The following HMCN2 variants were observed in gnomAD, a reference collection of about 807,000 sequenced individuals.
HMCN2 encodes the protein hemicentin-2.
A neutral mutation model predicts 377.5 loss-of-function variants in HMCN2; 325 were observed. The ratio of observed to expected loss-of-function variants is 0.86; its 90% confidence interval spans 0.79 to 0.94. The LOEUF (loss-of-function observed/expected upper bound fraction) is 0.94. HMCN2 is among the 40% of genes least tolerant of loss of function. The pLI is 0.00. For synonymous variants in HMCN2, 2,007 were observed against 2,046.8 expected (o/e 0.98, Z 0.53); for missense variants, 4,543 against 4,725.3 (o/e 0.96, Z 1.13).
At chr9:130,370,846 T>G (rs992545977) in intron 45 of HMCN2, 118 bp from the exon 46 acceptor site, 2 of 547,806 alleles carry the variant, frequency 3.7e-6, no homozygotes, top group African/African-American at 4.1e-5. Flanking sequence ...TCGTCACTTC[T>G]GCTCCTCAGA....
At chr9:130,412,987 C>T (rs1324597678) in intron 85 of HMCN2, among the ~76,000 whole-genome samples, 1 of 152,104 alleles carries the variant, frequency 6.6e-6, no homozygotes, top group Non-Finnish European at 1.5e-5. Flanking sequence ...TACGGATAGC[C>T]AATTGTTCCA....
At chr9:130,371,495 C>T (rs559768591) in intron 46 of HMCN2, among the ~76,000 whole-genome samples, 57 of 152,040 alleles carry the variant, frequency 3.7e-4, no homozygotes, top group African/African-American at 1.4e-3. Context: ...GATCTAAGCA[C>T]CTTCTCCTCT....
intron 85 of HMCN2, among the ~76,000 whole-genome samples, chr9:130,416,414 A>G (rs1418400264): frequency 2.0e-5 from 3 of 152,090 alleles, no homozygotes; most frequent in Non-Finnish European, 4.4e-5. Flanking sequence ...CTCGACCTTC[A>G]TTTAAGTGGA....
intron 4 of HMCN2, among the ~76,000 whole-genome samples, chr9:130,288,388 G>A (rs1472359130): frequency 6.6e-6 from 1 of 152,210 alleles, no homozygotes; most frequent in African/African-American, 2.4e-5. Flanking sequence ...TCCTTCCTGG[G>A]CATGGAGCTC....
intron 22 of HMCN2, among the ~76,000 whole-genome samples, chr9:130,333,565 C>T (rs2100072491): frequency 6.6e-6 from 1 of 152,208 alleles, no homozygotes; most frequent in Non-Finnish European, 1.5e-5. Context: ...CTGCGTGGAG[C>T]CATCTGGCCG....
At chr9:130,363,066 C>T (rs930152735) in intron 40 of HMCN2, 76 bp downstream of exon 40, 2 of 979,672 alleles carry the variant, frequency 2.0e-6, no homozygotes, top group East Asian at 2.3e-4. Flanking sequence ...CCAGTCACTT[C>T]CAAAAGGAGA....
At chr9:130,362,291 G>A (rs1840428452) in intron 39 of HMCN2, 126 bp downstream of exon 39, 6 of 561,888 alleles carry the variant, frequency 1.1e-5, no homozygotes, top group Non-Finnish European at 1.4e-5. Context: ...GAGGGCTAGA[G>A]GGAGGTGGGA....
Position 130,405,984 on chromosome 9 carries a change from C to G in HMCN2, c.12369C>G (p.Thr4123=). 7.8e-7 allele frequency: 1 copy of G among 1,289,548 alleles called. No homozygotes were observed. The highest frequency in any genetic ancestry group is 1.0e-6 in the Non-Finnish European group (1 of 988,768). The allele number at this position is 1,289,548 out of a possible 1,614,324, so 79.9% of individuals were successfully genotyped here. A position where few individuals can be genotyped will look rare whatever the true frequency, so the allele number is the denominator to read the frequency against. ...AGGACGCAGGCACCTATACCTGTAC[C>G]GCTGAGAACGCCGTGGGCCGGGCCC... ...EGQDAGTYTC[T]AENAVGRARR... The change falls in exon 82 of 98, where the codon ACC becomes ACG. Residue 4123 remains threonine (T), a synonymous_variant. Transcript: ENST00000683500.
intron 85 of HMCN2, among the ~76,000 whole-genome samples, chr9:130,413,429 T>C (rs185501538): frequency 2.0e-5 from 3 of 152,324 alleles, no homozygotes; most frequent in Admixed American, 2.0e-4. Context: ...TCCCCTTTTG[T>C]ACCTAGTGTG....
At chr9:130,327,989 G>A (rs903013645) in intron 22 of HMCN2, among the ~76,000 whole-genome samples, 4 of 152,176 alleles carry the variant, frequency 2.6e-5, no homozygotes, top group East Asian at 1.9e-4. Context: ...TCAAAGCCAC[G>A]CCGTACCCCC....
At position 130,348,570 on chromosome 9, in the gene HMCN2, G is replaced by A. The variant is rs544401149; in HGVS notation, c.4050G>A (p.Gly1350=). Residue 1350 remains glycine, a synonymous_variant, in exon 27 of 98, where the codon GGG becomes GGA. Transcript: ENST00000683500. ...VYVPPSIRED[G]RKANVSGMAG... is the part of the protein sequence containing the mutation. ...TGCCCCCCAGCATCCGGGAGGACGG[G>A]CGCAAGGCCAACGTGTCGGGTATGG... 1.5e-6 allele frequency: 2 copies of A among 1,304,234 alleles called. No homozygotes were observed. Among genetic ancestry groups the A allele is most frequent in the African/African-American group, 1.5e-5 (1 of 66,016 alleles). The allele number at this position is 1,304,234 out of a possible 1,614,324, so 80.8% of individuals were successfully genotyped here. A position where few individuals can be genotyped will look rare whatever the true frequency, so the allele number is the denominator to read the frequency against.
Position 130,334,718 on chromosome 9 carries a change from T to TC in HMCN2, c.3360-3175dup, listed in dbSNP as rs1838627580. Among the ~76,000 whole-genome samples, 3 of 124,834 alleles carry TC rather than the reference T, an allele frequency of 2.4e-5. No homozygotes were observed. In the Admixed American group the frequency reaches 2.5e-4, roughly 10 times the overall value. The allele number at this position is 124,834 out of a possible 152,430, so 81.9% of individuals were successfully genotyped here. On this transcript the variant is annotated intron_variant, in intron 22 of 97. Transcript: ENST00000683500. ...CTTTCTTTCTTTCTTTCTCTCTCTC[T>TC]CTCTTCTCTCTTTCTCTCTCTTTCT...
At chr9:130,278,273 C>T (rs1159217762) in intron 1 of HMCN2, among the ~76,000 whole-genome samples, 4 of 151,964 alleles carry the variant, frequency 2.6e-5, no homozygotes, top group Admixed American at 1.3e-4. Flanking sequence ...TACAGGCGCC[C>T]ACCACCACGC....
In HMCN2 at chr9:130,303,415, G is replaced by A; in HGVS notation, c.1422-72G>A. On this transcript the variant is annotated intron_variant, in intron 9 of 97. Coordinates refer to ENST00000683500, the MANE Select transcript of HMCN2 (RefSeq NM_001291815.2). The surrounding 1 kb of genome is among the most constrained non-coding windows in gnomAD (Gnocchi z 5.2). ...GTCTCTCGTTTGGGCAGGATTCAGG[G>A]GACTGAAGTCGGGGGGGACCCTGAG... 2 of 365,952 alleles carry A rather than the reference G, an allele frequency of 5.5e-6. No homozygotes were observed. Among genetic ancestry groups the A allele is most frequent in the East Asian group, 9.4e-5 (1 of 10,646 alleles). 22.7% of individuals were successfully genotyped at this position (365,952 alleles called of 1,614,324 possible). A position where few individuals can be genotyped will look rare whatever the true frequency, so the allele number is the denominator to read the frequency against.
rs534107643 is a variant in HMCN2 at position 130,296,916 on chromosome 9, C to T, written c.1012+122C>T. The T allele has an allele frequency of 6.5e-4, 254 of 389,028 alleles. 7 individuals are homozygous for T. The highest frequency in any genetic ancestry group is 4.7e-3 in the South Asian group (252 of 53,106). 24.1% of individuals were successfully genotyped at this position (389,028 alleles called of 1,614,324 possible). ...GCTGTGTGTGACTGTGAAAGGGACC[C>T]TGCAGGAGGCCAAGTGGGACTGTGC... On this transcript the variant is annotated intron_variant, in intron 7 of 97. Transcript: ENST00000683500.
At chr9:130,352,215 T>G (rs1389565266) in intron 30 of HMCN2, among the ~76,000 whole-genome samples, 1 of 152,260 alleles carries the variant, frequency 6.6e-6, no homozygotes, top group Non-Finnish European at 1.5e-5. Flanking sequence ...TCCCTTATTC[T>G]TATAAAGGAT....
At chr9:130,366,980 G>A (rs1564821770) in intron 43 of HMCN2, among the ~76,000 whole-genome samples, 1 of 152,272 alleles carries the variant, frequency 6.6e-6, no homozygotes, top group East Asian at 1.9e-4. Context: ...TTTAAGTTGG[G>A]TGGCCAGGAA....
At chr9:130,272,760 A>G (rs1156372713) in intron 1 of HMCN2, among the ~76,000 whole-genome samples, 2 of 150,700 alleles carry the variant, frequency 1.3e-5, no homozygotes, top group African/African-American at 4.9e-5. Flanking sequence ...GTCTTGCCAT[A>G]TTGCCCAGGT....
intron 7 of HMCN2, among the ~76,000 whole-genome samples, chr9:130,298,723 TG>T (rs1469437120): frequency 6.6e-6 from 1 of 152,086 alleles, no homozygotes; most frequent in Non-Finnish European, 1.5e-5. Flanking sequence ...CCAGAGTTAA[TG>T]GGGTGGGGGA....
Sources: allele counts gnomAD v4.1 joint callset (sites outside exome capture counted in the v4.1 genomes callset), GRCh38; gene constraint gnomAD v4.1.1; non-coding constraint Gnocchi (gnomAD v3.1); transcripts MANE v1.5; gene names NCBI Gene and HGNC (gene_info 2026-07-23, HGNC 2026-07-21).